Variants in MYO3B observed in about 807,000 individuals in gnomAD.
The protein encoded by MYO3B is myosin IIIB.
MYO3B carries 156 observed loss-of-function variants against 174.6 expected under a neutral mutation model. The ratio of observed to expected loss-of-function variants is 0.89; its 90% CI spans 0.78 to 1.02. The LOEUF (loss-of-function observed/expected upper bound fraction) is 1.02. Ranked by LOEUF, MYO3B falls within the 50% of genes least tolerant of loss-of-function variation. The probability of loss-of-function intolerance (pLI) is 0.00; values close to 1 mark genes in which losing one functional copy is unlikely to be tolerated. For missense variants in MYO3B, 1,632 were observed against 1,639.4 expected (o/e 1.00, Z 0.08); for synonymous variants, 563 against 569.1 (o/e 0.99, Z 0.15).
chr2:170,213,260 T>C (rs1031361606), intron 3 of MYO3B, among the ~76,000 whole-genome samples: 3 of 152,128 alleles, frequency 2.0e-5, no homozygotes, highest in African/African-American at 7.2e-5. Flanking sequence ...CGGGCAAGAC[T>C]CCTGTCTCAA....
chr2:170,494,273 A>T (rs1319578701), intron 25 of MYO3B, among the ~76,000 whole-genome samples: 1 of 152,234 alleles, frequency 6.6e-6, no homozygotes, highest in Non-Finnish European at 1.5e-5. Flanking sequence ...CATGCAACAA[A>T]ACATTTTAGA....
intron 25 of MYO3B, among the ~76,000 whole-genome samples, chr2:170,479,598 G>A (rs1685551471): frequency 6.9e-6 from 1 of 144,904 alleles, no homozygotes; most frequent in Non-Finnish European, 1.5e-5. Flanking sequence ...TAATAAAGGT[G>A]TATTTTATAT....
At chr2:170,304,774 T>C (rs2093689664) in intron 7 of MYO3B, among the ~76,000 whole-genome samples, 1 of 152,040 alleles carries the variant, frequency 6.6e-6, no homozygotes, top group African/African-American at 2.4e-5. Flanking sequence ...GCCCTTTTCA[T>C]CCATTTTTCT....
intron 25 of MYO3B, among the ~76,000 whole-genome samples, chr2:170,477,321 T>C (rs1367135363): frequency 3.3e-5 from 5 of 152,172 alleles, no homozygotes; most frequent in Non-Finnish European, 5.9e-5. Flanking sequence ...AAACTAGTTG[T>C]TGCTCCATCC....
rs775565619 is a variant in MYO3B at position 170,501,693 on chromosome 2, G to A, written c.3290-92G>A. 108 of 787,046 alleles carry A rather than the reference G, an allele frequency of 1.4e-4. 1 individual carries two copies. The highest frequency in any genetic ancestry group is 2.1e-4 in the Non-Finnish European group (97 of 461,376). The allele number at this position is 787,046 out of a possible 1,614,324, so 48.8% of individuals were successfully genotyped here. On this transcript the variant is annotated intron_variant, in intron 27 of 34. Transcript: ENST00000408978. ...AGAAAGCAGGAGGGAGGATGAGACG[G>A]GCAATAGGCTGGAGGGGAAAACAGC...
chr2:170,280,809 C>A (rs1414922774), intron 7 of MYO3B, among the ~76,000 whole-genome samples: 2 of 151,974 alleles, frequency 1.3e-5, no homozygotes, highest in African/African-American at 2.4e-5. Flanking sequence ...TATTTCTGGG[C>A]TCTCCATTCT....
intron 32 of MYO3B, among the ~76,000 whole-genome samples, chr2:170,642,072 C>A (rs1047783681): frequency 2.0e-5 from 3 of 152,150 alleles, no homozygotes; most frequent in African/African-American, 7.2e-5. Flanking sequence ...ATACGAAAGA[C>A]CCTCTTCCTA....
At chr2:170,251,587 C>T (rs758778177) in intron 7 of MYO3B, among the ~76,000 whole-genome samples, 1 of 152,118 alleles carries the variant, frequency 6.6e-6, no homozygotes, top group Non-Finnish European at 1.5e-5. Context: ...GACACAGAGA[C>T]AGACACATAG....
At chr2:170,537,310 C>T (rs929527394) in intron 30 of MYO3B, among the ~76,000 whole-genome samples, 3 of 151,808 alleles carry the variant, frequency 2.0e-5, no homozygotes, top group South Asian at 2.1e-4. Flanking sequence ...GATCTCACCA[C>T]TGTACTCCAT....
chr2:170,393,743 C>CT (rs1051003194), intron 16 of MYO3B, among the ~76,000 whole-genome samples: 3 of 152,042 alleles, frequency 2.0e-5, no homozygotes, highest in South Asian at 2.1e-4. Context: ...TAGTACCTTT[C>CT]TTTTTTTTCT....
At chr2:170,461,205 T>A (rs1456782502) in intron 23 of MYO3B, among the ~76,000 whole-genome samples, 2 of 152,052 alleles carry the variant, frequency 1.3e-5, no homozygotes. Flanking sequence ...CCGGGTGAGG[T>A]GACTCACTCC....
At chr2:170,419,063 G>A (rs1398524377) in intron 22 of MYO3B, among the ~76,000 whole-genome samples, 3 of 152,196 alleles carry the variant, frequency 2.0e-5, no homozygotes, top group African/African-American at 7.2e-5. Flanking sequence ...ATCAGCACAA[G>A]GCAAAAAGAT....
At chr2:170,243,190 T>G (rs753534411) in intron 7 of MYO3B, among the ~76,000 whole-genome samples, 6 of 152,216 alleles carry the variant, frequency 3.9e-5, no homozygotes, top group Non-Finnish European at 8.8e-5. Context: ...CATTTATGAT[T>G]TTTCATGAGT....
Position 170,637,444 on chromosome 2 carries a change from A to T in MYO3B, c.3734-14184A>T, listed in dbSNP as rs377534274. ...CCCCTCAGCCTCCCAAAGTGCTGGG[A>T]TTACAGGTGTGAGCCACCACGCCCC... On this transcript the variant is annotated intron_variant, in intron 32 of 34. Coordinates refer to ENST00000408978, the MANE Select transcript of MYO3B (RefSeq NM_138995.5). 2.8e-4 allele frequency among the ~76,000 whole-genome samples: 43 copies of T among 152,216 alleles called. No homozygotes were observed. In the East Asian group the frequency reaches 8.1e-3, roughly 29 times the overall value.
chr2:170,495,333 G>A (rs1235075940), intron 25 of MYO3B, among the ~76,000 whole-genome samples: 2 of 152,084 alleles, frequency 1.3e-5, no homozygotes, highest in Non-Finnish European at 2.9e-5. Context: ...ATTATTCCGT[G>A]AAGGAAACAT....
intron 7 of MYO3B, among the ~76,000 whole-genome samples, chr2:170,288,375 G>A (rs1306625276): frequency 1.3e-5 from 2 of 151,686 alleles, no homozygotes; most frequent in Non-Finnish European, 1.5e-5. Flanking sequence ...ATCTTTCCAT[G>A]TTTTTGGTAT....
intron 32 of MYO3B, among the ~76,000 whole-genome samples, chr2:170,588,291 T>C (rs1429530055): frequency 6.6e-6 from 1 of 151,876 alleles, no homozygotes; most frequent in Non-Finnish European, 1.5e-5. Context: ...AAAAAAAAAT[T>C]AGCCGGGTGT....
At chr2:170,413,459 A>T (rs763816209) in intron 22 of MYO3B, among the ~76,000 whole-genome samples, 48 of 152,024 alleles carry the variant, frequency 3.2e-4, no homozygotes, top group Non-Finnish European at 5.4e-4. Context: ...CGTGATGCTG[A>T]TCTGAACTGC....
chr2:170,375,016 G>A (rs1304545870), intron 9 of MYO3B, among the ~76,000 whole-genome samples: 1 of 152,184 alleles, frequency 6.6e-6, no homozygotes, highest in African/African-American at 2.4e-5. Flanking sequence ...TTTTAAAGGA[G>A]TAAGCCCTAA....
Sources: gnomAD v4.1 joint callset for allele counts (sites outside exome capture counted in the v4.1 genomes callset) on GRCh38, gnomAD v4.1.1 for gene constraint, MANE v1.5 for transcripts, NCBI Gene and HGNC (gene_info 2026-07-23, HGNC 2026-07-21) for gene names.